RNF217: variants seen among roughly 807,000 people sequenced by gnomAD.
RNF217 encodes the protein E3 ubiquitin-protein ligase RNF217.
RNF217 carries 31 observed loss-of-function variants against 57.8 expected under a neutral mutation model. The ratio of observed to expected loss-of-function variants is 0.54; its 90% confidence interval spans 0.40 to 0.72. The LOEUF (loss-of-function observed/expected upper bound fraction) is 0.72. Ranked by LOEUF, RNF217 falls within the 30% of genes least tolerant of loss-of-function variation. The probability of loss-of-function intolerance (pLI) is 0.00; values close to 1 mark genes in which losing one functional copy is unlikely to be tolerated. For missense variants in RNF217, 696 were observed against 708.3 expected (o/e 0.98, Z 0.20); for synonymous variants, 313 against 294.0 (o/e 1.06, Z -0.66).
chr6:125,075,070 A>C (rs1812965), intron 3 of RNF217, among the ~76,000 whole-genome samples: 1 of 152,044 alleles, frequency 6.6e-6, no homozygotes, highest in Admixed American at 6.6e-5. Flanking sequence ...CAACCTGTGG[A>C]CCACTTGCTG....
intron 1 of RNF217, chr6:124,996,527 A>G (rs1356720326): frequency 6.6e-6 from 1 of 152,094 alleles, no homozygotes; most frequent in Non-Finnish European, 1.5e-5. Flanking sequence ...TTTTATGAAG[A>G]GTTTTAATTA....
Position 125,091,609 on chromosome 6 carries a change from T to C in RNF217, c.*8672T>C, listed in dbSNP as rs1031401922. 6 of 152,084 alleles carry C rather than the reference T, an allele frequency of 3.9e-5. No individual in the cohort carries two copies. The highest frequency in any genetic ancestry group is 1.5e-5 in the Non-Finnish European group (1 of 67,988). 9.4% of individuals were successfully genotyped at this position (152,084 alleles called of 1,614,324 possible). On this transcript the variant is annotated 3_prime_UTR_variant, in exon 6 of 6. Coordinates refer to ENST00000521654, the MANE Select transcript of RNF217 (RefSeq NM_001286398.3). The stretch of plus-strand genomic sequence containing the variant: ...AATTGTACTTTAAAACCATAAAAAA[T>C]GCTAATTAAGTTTAGAACAGGAGTT...
chr6:125,013,542 A>G (rs1785497639), intron 1 of RNF217, among the ~76,000 whole-genome samples: 1 of 137,154 alleles, frequency 7.3e-6, no homozygotes, highest in Non-Finnish European at 1.7e-5. Flanking sequence ...AGGCCAGAAT[A>G]TGTCTGGGAA....
chr6:125,028,341 T>A (rs1379481426), intron 1 of RNF217, among the ~76,000 whole-genome samples: 1 of 152,180 alleles, frequency 6.6e-6, no homozygotes, highest in African/African-American at 2.4e-5. Context: ...CACCTTTTCA[T>A]ATGCCTGTTT....
At chr6:124,974,423 A>C (rs1783881637) in intron 1 of RNF217, among the ~76,000 whole-genome samples, 1 of 152,192 alleles carries the variant, frequency 6.6e-6, no homozygotes, top group Non-Finnish European at 1.5e-5. Context: ...ATAATTTAAT[A>C]ATACAGATTC....
Position 124,963,321 on chromosome 6 carries a change from G to C in RNF217, c.777G>C (p.Met259Ile). Residue 259 changes from methionine to isoleucine, a missense_variant, in exon 1 of 6, where the codon ATG (methionine) becomes ATC (isoleucine). By Grantham distance (10) the Met-to-Ile change is conservative. Transcript: ENST00000521654. ...TAGGGGATCCCTATGTGCCCCTCAT[G>C]GTGCTGATGTGCCGGGTGTGCCTGG... Reference protein sequence around the residue: ...GGVGDPYVPLMVLMCRVCLED... With the variant: ...GGVGDPYVPLIVLMCRVCLED... 1 of 1,535,450 alleles carries C rather than the reference G, an allele frequency of 6.5e-7. No homozygotes were observed. The highest frequency in any genetic ancestry group is 8.7e-7 in the Non-Finnish European group (1 of 1,146,602).
intron 1 of RNF217, among the ~76,000 whole-genome samples, chr6:124,993,919 C>G (rs1784653928): frequency 6.6e-6 from 1 of 152,052 alleles, no homozygotes; most frequent in South Asian, 2.1e-4. Flanking sequence ...GGAATTCGAG[C>G]CATTAATCTA....
chr6:125,044,968 C>CA (rs1787038391), intron 1 of RNF217, among the ~76,000 whole-genome samples: 1 of 151,800 alleles, frequency 6.6e-6, no homozygotes, highest in South Asian at 2.1e-4. Flanking sequence ...TTTCTTTTCA[C>CA]AAAAAAGAAT....
intron 1 of RNF217, among the ~76,000 whole-genome samples, chr6:125,011,836 A>G (rs1438951652): frequency 6.6e-6 from 1 of 151,344 alleles, no homozygotes; most frequent in Non-Finnish European, 1.5e-5. Context: ...ATCAGCTGTG[A>G]TGTTCAAAGA....
intron 1 of RNF217, among the ~76,000 whole-genome samples, chr6:125,023,986 G>A (rs1243399527): frequency 2.6e-5 from 4 of 152,186 alleles, no homozygotes; most frequent in Non-Finnish European, 5.9e-5. Flanking sequence ...GGAGGAATAA[G>A]TTCAAGCAAC....
chr6:125,039,489 A>T (rs1786787870), intron 1 of RNF217, among the ~76,000 whole-genome samples: 1 of 152,180 alleles, frequency 6.6e-6, no homozygotes, highest in Admixed American at 6.6e-5. Flanking sequence ...AGACTCTCAC[A>T]CAATAATAAT....
Position 124,963,284 on chromosome 6 carries a change from G to T in RNF217, c.740G>T (p.Gly247Val), listed in dbSNP as rs1783378976. The T allele has an allele frequency of 6.5e-7, 1 of 1,535,800 alleles. No homozygotes were observed. Among genetic ancestry groups the T allele is most frequent in the African/African-American group, 1.4e-5 (1 of 73,044 alleles). The change falls in exon 1 of 6, where the codon GGC (glycine) becomes GTC (valine). Residue 247 changes from glycine to valine, a missense_variant. Around this residue, in one of 2 missense-constraint regions of RNF217, gnomAD observed 465 missense variants for 386.8 expected, o/e 1.20. Coordinates refer to ENST00000521654, the MANE Select transcript of RNF217 (RefSeq NM_001286398.3). Reference sequence around the variant, plus strand: ...CTGTTGGGAGCTCCACCCTACTCTGGCCTGGGCGGTGTAGGGGATCCCTAT... The same window carrying T: ...CTGTTGGGAGCTCCACCCTACTCTGTCCTGGGCGGTGTAGGGGATCCCTAT... ...PSLLGAPPYSGLGGVGDPYVP... is the reference protein window; with the variant it reads ...PSLLGAPPYSVLGGVGDPYVP...
chr6:125,005,756 A>G (rs968185249), intron 1 of RNF217, among the ~76,000 whole-genome samples: 3 of 152,236 alleles, frequency 2.0e-5, no homozygotes, highest in African/African-American at 4.8e-5. Context: ...ATAAAACTGT[A>G]TGCAATAGAA....
At position 125,079,424 on chromosome 6, in the gene RNF217, A is replaced by C. The variant is rs188438936; in HGVS notation, c.1484-2012A>C. ...CAAAAACAATGGAGCCTTCTCCAAA[A>C]ATGAATACTCAATTAAAAAAAAAAA... is the stretch of plus-strand genomic sequence containing the variant. On this transcript the variant is annotated intron_variant, in intron 4 of 5. Transcript: ENST00000521654. Among the ~76,000 whole-genome samples, 22 of 151,868 alleles carry C rather than the reference A, an allele frequency of 1.4e-4. No homozygotes were observed. In the East Asian group the frequency reaches 4.1e-3, roughly 28 times the overall value.
At chr6:125,003,433 T>G (rs1785060035) in intron 1 of RNF217, among the ~76,000 whole-genome samples, 1 of 152,194 alleles carries the variant, frequency 6.6e-6, no homozygotes. Flanking sequence ...ACAATGGTGA[T>G]ACAGTAACTA....
At chr6:124,982,503 A>T (rs1351090657) in intron 1 of RNF217, among the ~76,000 whole-genome samples, 1 of 152,136 alleles carries the variant, frequency 6.6e-6, no homozygotes, top group Admixed American at 6.5e-5. Flanking sequence ...CGTATGGGAA[A>T]ATTCTGTAGT....
At chr6:125,019,081 C>G (rs952363463) in intron 1 of RNF217, among the ~76,000 whole-genome samples, 4 of 152,220 alleles carry the variant, frequency 2.6e-5, no homozygotes, top group East Asian at 3.9e-4. Flanking sequence ...AGCCCGCTTG[C>G]CTCTGATCAC....
intron 1 of RNF217, among the ~76,000 whole-genome samples, chr6:125,038,801 T>G (rs1268889740): frequency 6.6e-6 from 1 of 151,928 alleles, no homozygotes; most frequent in Non-Finnish European, 1.5e-5. Context: ...TTGGTATGAG[T>G]TTTTTTGGGT....
chr6:125,045,282 T>C lies in RNF217; in HGVS notation c.954T>C (p.Val318=), dbSNP rs368494115. 6.2e-7 allele frequency: 1 copy of C among 1,613,402 alleles called. No individual in the cohort carries two copies. The highest frequency in any genetic ancestry group is 1.1e-5 in the South Asian group (1 of 91,062). ...ECFEFLEETT[V]VYNLTHEDSI... is the part of the protein sequence containing the mutation. ...TTGAATTCTTGGAAGAAACAACTGT[T>C]GTCTATAACTTAACGCATGAAGACT... is the stretch of plus-strand genomic sequence containing the variant. The change falls in exon 2 of 6, where the codon GTT becomes GTC. Residue 318 remains valine (V), a synonymous_variant. Transcript: ENST00000521654.
Sources: allele counts gnomAD v4.1 joint callset (sites outside exome capture counted in the v4.1 genomes callset), GRCh38; gene constraint gnomAD v4.1.1; regional missense constraint gnomAD v4.1.1; transcripts MANE v1.5; gene names NCBI Gene and HGNC (gene_info 2026-07-23, HGNC 2026-07-21).